OSBPL1A: variants seen among roughly 807,000 people sequenced by gnomAD.
OSBPL1A encodes the protein oxysterol binding protein like 1A.
Under a neutral mutation model 137.1 loss-of-function variants are expected in OSBPL1A, and 80 were observed. That is an observed-to-expected ratio of 0.58 (90% CI 0.49 to 0.70). The LOEUF is 0.70. Among genes scored for constraint, OSBPL1A ranks in the 30% least tolerant of loss-of-function variants. The pLI, the probability that OSBPL1A is intolerant of heterozygous loss-of-function variation, is 0.00. For missense variants in OSBPL1A, 970 were observed against 1,129.4 expected (o/e 0.86, Z 2.02); for synonymous variants, 365 against 389.7 (o/e 0.94, Z 0.75).
At chr18:24,239,781 TA>T (rs2088625707) in intron 15 of OSBPL1A, among the ~76,000 whole-genome samples, 1 of 152,150 alleles carries the variant, frequency 6.6e-6, no homozygotes, top group African/African-American at 2.4e-5. Context: ...AAAAAAATTC[TA>T]AATATTAAAA....
intron 14 of OSBPL1A, among the ~76,000 whole-genome samples, chr18:24,293,117 AAAAAAAAAAAAG>A (rs1223881702): frequency 2.7e-5 from 4 of 145,932 alleles, no homozygotes; most frequent in African/African-American, 5.1e-5. Flanking sequence ...AAAAAAAAAA[AAAAAAAAAAAAG>A]AAAAGAAAAG....
intron 18 of OSBPL1A, among the ~76,000 whole-genome samples, chr18:24,195,459 A>G (rs1314621648): frequency 1.3e-5 from 2 of 152,216 alleles, no homozygotes; most frequent in African/African-American, 4.8e-5. Context: ...CCCAGGGTAC[A>G]CATTCAATTG....
chr18:24,235,266 G>A (rs72884813), intron 16 of OSBPL1A, among the ~76,000 whole-genome samples: 41,386 of 151,830 alleles, frequency 0.27, 6,779 homozygotes, highest in Middle Eastern at 0.43. Context: ...ACCATAATGA[G>A]AGCTAATATC....
In OSBPL1A at chr18:24,311,497, A is replaced by C. The variant is rs1413763003; in HGVS notation, c.1092+487T>G. ...AGGGATAAGGCACTGGTGTCACTTC[A>C]GAAGACTTCTCCATTCATTAATGAT... On this transcript the variant is annotated intron_variant, in intron 13 of 27. Coordinates refer to ENST00000319481, the MANE Select transcript of OSBPL1A (RefSeq NM_080597.4). 6 of 986,604 alleles carry C rather than the reference A, an allele frequency of 6.1e-6. No individual in the cohort carries two copies. The East Asian group carries it at 6.7e-4, about 111-fold the overall frequency. The allele number at this position is 986,604 out of a possible 1,614,324, so 61.1% of individuals were successfully genotyped here. A position where few individuals can be genotyped will look rare whatever the true frequency, so the allele number is the denominator to read the frequency against.
intron 15 of OSBPL1A, among the ~76,000 whole-genome samples, chr18:24,247,617 C>A (rs1395937646): frequency 3.9e-5 from 6 of 152,008 alleles, no homozygotes; most frequent in Non-Finnish European, 8.8e-5. Flanking sequence ...AGCACATCAC[C>A]ATGGCTGGCT....
intron 4 of OSBPL1A, chr18:24,357,095 T>C (rs1315101658): frequency 6.6e-6 from 1 of 152,218 alleles, no homozygotes; most frequent in East Asian, 1.9e-4. Flanking sequence ...TCAATAACAT[T>C]GTCAATCAAG....
intron 18 of OSBPL1A, among the ~76,000 whole-genome samples, chr18:24,192,721 A>C (rs185736786): frequency 1.2e-3 from 187 of 152,336 alleles, no homozygotes; most frequent in African/African-American, 4.2e-3. Flanking sequence ...TGACAAATGC[A>C]TGGAGAAGAA....
At chr18:24,309,876 G>A (rs1459978067) in intron 13 of OSBPL1A, among the ~76,000 whole-genome samples, 1 of 151,686 alleles carries the variant, frequency 6.6e-6, no homozygotes, top group Non-Finnish European at 1.5e-5. Context: ...GTGAAACCCC[G>A]TCTCTACTAA....
At chr18:24,282,161 C>G (rs528068919) in intron 14 of OSBPL1A, among the ~76,000 whole-genome samples, 1 of 150,988 alleles carries the variant, frequency 6.6e-6, no homozygotes, top group Non-Finnish European at 1.5e-5. Context: ...GAGCACTGCC[C>G]TACAAGAATC....
intron 7 of OSBPL1A, among the ~76,000 whole-genome samples, chr18:24,328,502 G>GT (rs1216638214): frequency 6.6e-6 from 1 of 151,996 alleles, no homozygotes; most frequent in Non-Finnish European, 1.5e-5. Context: ...CCATGAACCT[G>GT]TATCTGTCTT....
At chr18:24,232,928 T>C (rs1347728829) in intron 16 of OSBPL1A, among the ~76,000 whole-genome samples, 2 of 152,246 alleles carry the variant, frequency 1.3e-5, no homozygotes, top group East Asian at 1.9e-4. Flanking sequence ...AACTATCTAT[T>C]GGTTTTGCCC....
intron 18 of OSBPL1A, among the ~76,000 whole-genome samples, chr18:24,195,678 C>G (rs190028081): frequency 6.6e-6 from 1 of 152,200 alleles, no homozygotes; most frequent in African/African-American, 2.4e-5. Flanking sequence ...TACCTCCCCC[C>G]ACATCAGATC....
intron 21 of OSBPL1A, among the ~76,000 whole-genome samples, chr18:24,174,304 A>T (rs2086369108): frequency 6.6e-6 from 1 of 152,244 alleles, no homozygotes; most frequent in South Asian, 2.1e-4. Context: ...AGAAACTGCC[A>T]AACTGTTCTC....
intron 7 of OSBPL1A, among the ~76,000 whole-genome samples, chr18:24,325,466 C>G (rs2090957174): frequency 6.6e-6 from 1 of 152,244 alleles, no homozygotes; most frequent in African/African-American, 2.4e-5. Flanking sequence ...CTTGAATGCT[C>G]TTCTGCCAGA....
rs200797158 is a variant in OSBPL1A, at chr18:24,396,242, GAC to G, written c.-3+1411_-3+1412del. Among the ~76,000 whole-genome samples, 1,136 of 147,404 alleles carry G rather than the reference GAC, an allele frequency of 7.7e-3. 14 individuals carry two copies. The highest frequency in any genetic ancestry group is 0.026 in the African/African-American group (1,050 of 40,234). ...CTCAATTTAAAAAAAAAAAAAAAGA[GAC>G]AGAGAAATCATACCTGACTGCTCTG... On this transcript the variant is annotated intron_variant, in intron 1 of 27. Transcript: ENST00000319481.
intron 15 of OSBPL1A, among the ~76,000 whole-genome samples, chr18:24,255,366 AAAT>A (rs1159961675): frequency 4.6e-5 from 7 of 152,302 alleles, no homozygotes; most frequent in African/African-American, 1.4e-4. Context: ...CGTGAAAGGA[AAAT>A]AAATCTTGGG....
chr18:24,209,179 G>A (rs1035578161), intron 17 of OSBPL1A, among the ~76,000 whole-genome samples: 7 of 152,156 alleles, frequency 4.6e-5, no homozygotes, highest in African/African-American at 1.4e-4. Context: ...CTCATGATAC[G>A]TGTATTTGAT....
intron 14 of OSBPL1A, among the ~76,000 whole-genome samples, chr18:24,293,255 G>C (rs554107590): frequency 3.9e-5 from 6 of 152,226 alleles, no homozygotes; most frequent in African/African-American, 1.4e-4. Context: ...TGGCACAGAG[G>C]GGGAAAGGGG....
At chr18:24,237,458 T>C (rs2017709) in intron 16 of OSBPL1A, among the ~76,000 whole-genome samples, 70,296 of 151,740 alleles carry the variant, frequency 0.46, 17,417 homozygotes, top group East Asian at 0.83. Flanking sequence ...GCATGCACCA[T>C]CACGCCTGGC....
Sources: allele counts gnomAD v4.1 joint callset (sites outside exome capture counted in the v4.1 genomes callset), GRCh38; gene constraint gnomAD v4.1.1; transcripts MANE v1.5; gene names NCBI Gene and HGNC (gene_info 2026-07-23, HGNC 2026-07-21).